SLC25A26: variants seen among roughly 807,000 people sequenced by gnomAD.
SLC25A26 encodes the protein solute carrier family 25 member 26.
Under a neutral mutation model 37.8 loss-of-function variants are expected in SLC25A26, and 36 were observed. That is an observed-to-expected ratio of 0.95 (90% confidence interval 0.73 to 1.26). The LOEUF is 1.26. Ranked by LOEUF, SLC25A26 falls within the 50% of genes most tolerant of loss-of-function variation. The probability of loss-of-function intolerance (pLI) is 0.00; values close to 1 mark genes in which losing one functional copy is unlikely to be tolerated. For missense variants in SLC25A26, 390 were observed against 331.1 expected, an observed-to-expected ratio of 1.18 and a Z score of -1.38; for synonymous variants, 129 against 122.5, an observed-to-expected ratio of 1.05 and a Z score of -0.35.
intron 1 of SLC25A26, among the ~76,000 whole-genome samples, chr3:66,177,834 C>T (rs977047040): frequency 2.6e-5 from 4 of 152,126 alleles, no homozygotes; most frequent in Non-Finnish European, 5.9e-5. Flanking sequence ...TGGCTCATTC[C>T]CTTGAACTGT....
At chr3:66,152,427 G>A (rs1031286850) in intron 1 of SLC25A26, among the ~76,000 whole-genome samples, 5 of 152,192 alleles carry the variant, frequency 3.3e-5, no homozygotes, top group African/African-American at 1.2e-4. Flanking sequence ...AAATGAAGAG[G>A]CCTGTGACAG....
At chr3:66,248,685 A>T (rs955566332) in intron 3 of SLC25A26, among the ~76,000 whole-genome samples, 1 of 152,180 alleles carries the variant, frequency 6.6e-6, no homozygotes. Flanking sequence ...ATGCTGGTAG[A>T]GTGTCCTTTT....
At chr3:66,293,324 A>T (rs1576811824) in intron 5 of SLC25A26, 1 of 152,052 alleles carries the variant, frequency 6.6e-6, no homozygotes, top group East Asian at 1.9e-4. Context: ...TTCTTCATGA[A>T]ATCATATACA....
intron 9 of SLC25A26, among the ~76,000 whole-genome samples, chr3:66,373,942 A>G (rs1700491874): frequency 6.6e-6 from 1 of 151,926 alleles, no homozygotes; most frequent in Admixed American, 6.6e-5. Context: ...AGGTGCTGGG[A>G]GCAGCCTGCA....
intron 1 of SLC25A26, among the ~76,000 whole-genome samples, chr3:66,156,772 G>T (rs555689454): frequency 6.6e-6 from 1 of 152,208 alleles, no homozygotes; most frequent in East Asian, 1.9e-4. Flanking sequence ...ACCTGCCTCT[G>T]ATTGGGCTGG....
chr3:66,224,912 C>T (rs983147349), intron 1 of SLC25A26, among the ~76,000 whole-genome samples: 1 of 152,208 alleles, frequency 6.6e-6, no homozygotes, highest in Non-Finnish European at 1.5e-5. Flanking sequence ...CATCTTAAAG[C>T]TCTGAAATCA....
At chr3:66,328,260 G>A (rs563778710) in intron 5 of SLC25A26, among the ~76,000 whole-genome samples, 1 of 152,260 alleles carries the variant, frequency 6.6e-6, no homozygotes, top group East Asian at 1.9e-4. Flanking sequence ...TCAAAGAACA[G>A]GTTATTTCAT....
chr3:66,250,755 G>T (rs2073052120), intron 3 of SLC25A26, among the ~76,000 whole-genome samples: 1 of 152,060 alleles, frequency 6.6e-6, no homozygotes, highest in Admixed American at 6.5e-5. Flanking sequence ...CTCCGGACTG[G>T]GGTAGATGGA....
chr3:66,196,756 C>T (rs1267162969), intron 1 of SLC25A26, among the ~76,000 whole-genome samples: 7 of 151,494 alleles, frequency 4.6e-5, no homozygotes, highest in African/African-American at 1.5e-4. Flanking sequence ...ATTCTTATAC[C>T]CTATATAATC....
chr3:66,249,391 C>G (rs1431249041), intron 3 of SLC25A26, among the ~76,000 whole-genome samples: 1 of 152,190 alleles, frequency 6.6e-6, no homozygotes, highest in East Asian at 1.9e-4. Context: ...TTCAGCTTTC[C>G]CACTGGTTAA....
At chr3:66,373,894 C>T (rs1487586227) in intron 9 of SLC25A26, among the ~76,000 whole-genome samples, 2 of 152,034 alleles carry the variant, frequency 1.3e-5, no homozygotes, top group Non-Finnish European at 2.9e-5. Flanking sequence ...CTCAGCCTCC[C>T]CCAACAGCTC....
At chr3:66,360,466 A>G (rs1016145934) in intron 6 of SLC25A26, among the ~76,000 whole-genome samples, 1 of 152,166 alleles carries the variant, frequency 6.6e-6, no homozygotes, top group African/African-American at 2.4e-5. Context: ...TTATTCACAG[A>G]TGATACGGTC....
Position 66,185,984 on chromosome 3 carries a change from C to G in SLC25A26, c.-353-34758C>G, listed in dbSNP as rs1036422628. Among the ~76,000 whole-genome samples, 262 of 152,208 alleles carry G rather than the reference C, an allele frequency of 1.7e-3. 1 individual carries two copies. The highest frequency in any genetic ancestry group is 6.1e-3 in the African/African-American group (253 of 41,532). On this transcript the variant is annotated intron_variant, in intron 1 of 10. Coordinates refer to the SLC25A26 transcript ENST00000676754. The stretch of plus-strand genomic sequence containing the variant: ...ACTAAAGCTGACCCTTATCCTCACA[C>G]AGAACATGACCCTGACCCTCACCAT...
chr3:66,235,411 G>A (rs574454742), intron 1 of SLC25A26, among the ~76,000 whole-genome samples: 2 of 152,168 alleles, frequency 1.3e-5, no homozygotes, highest in Admixed American at 6.5e-5. Flanking sequence ...GTATCTCTTG[G>A]GAGATGACTA....
chr3:66,222,067 G>A (rs1056810660), intron 1 of SLC25A26, among the ~76,000 whole-genome samples: 4 of 152,056 alleles, frequency 2.6e-5, no homozygotes, highest in South Asian at 2.1e-4. Flanking sequence ...GGTGTTAGGG[G>A]AATATATGGA....
intron 1 of SLC25A26, among the ~76,000 whole-genome samples, chr3:66,189,418 A>T (rs905426775): frequency 2.6e-5 from 4 of 151,992 alleles, no homozygotes; most frequent in African/African-American, 9.7e-5. Context: ...GCTCACCATC[A>T]TCATGACATT....
At chr3:66,180,028 C>A (rs1576617000) in intron 1 of SLC25A26, among the ~76,000 whole-genome samples, 1 of 87,172 alleles carries the variant, frequency 1.1e-5, no homozygotes, top group Non-Finnish European at 3.1e-5. Flanking sequence ...AGATGCATTG[C>A]AAAACCCTTT....
intron 5 of SLC25A26, among the ~76,000 whole-genome samples, chr3:66,318,025 C>G (rs537723925): frequency 1.2e-4 from 19 of 152,316 alleles, no homozygotes; most frequent in African/African-American, 4.6e-4. Flanking sequence ...TCCTCAGGAA[C>G]TCAGTTGTCT....
chr3:66,315,550 A>C (rs761458586), intron 5 of SLC25A26, among the ~76,000 whole-genome samples: 2 of 152,026 alleles, frequency 1.3e-5, no homozygotes, highest in African/African-American at 2.4e-5. Flanking sequence ...TTGTGCGATC[A>C]GTTTTAGAGT....
Sources: gnomAD v4.1 joint callset for allele counts (sites outside exome capture counted in the v4.1 genomes callset) on GRCh38, gnomAD v4.1.1 for gene constraint, MANE v1.5 for transcripts, NCBI Gene and HGNC (gene_info 2026-07-23, HGNC 2026-07-21) for gene names.